Variants in UBA6 observed in about 807,000 individuals in gnomAD.
UBA6 encodes the protein ubiquitin-like modifier-activating enzyme 6.
UBA6 carries 87 observed loss-of-function variants against 148.3 expected under a neutral mutation model. The observed-to-expected ratio is 0.59, with a 90% CI of 0.49 to 0.70. The LOEUF (loss-of-function observed/expected upper bound fraction) is 0.70, where lower values mean the gene tolerates loss of function less well. UBA6 is among the 30% of genes least tolerant of loss of function. The probability of loss-of-function intolerance (pLI) is 0.00; values close to 1 mark genes in which losing one functional copy is unlikely to be tolerated. For missense variants in UBA6, 1,186 were observed against 1,241.2 expected (o/e 0.96, Z 0.67); for synonymous variants, 376 against 401.0 (o/e 0.94, Z 0.75).
rs1315903073 is a variant in UBA6 at position 67,612,999 on chromosome 4, CAA to C, written c.*5996_*5997del. ...AGATAGAGCTAAGGGGCTAAAGATTCAAAAAGAGTCCAGGGTCAGTGAAGAGG... is the reference window on the plus strand; with the variant it reads ...AGATAGAGCTAAGGGGCTAAAGATTCAAAGAGTCCAGGGTCAGTGAAGAGG... On this transcript the variant is annotated 3_prime_UTR_variant, in exon 33 of 33. Coordinates refer to ENST00000322244, the MANE Select transcript of UBA6 (RefSeq NM_018227.6). 1.3e-5 allele frequency: 2 copies of C among 152,168 alleles called. No homozygotes were observed. Among genetic ancestry groups the C allele is most frequent in the African/African-American group, 4.8e-5 (2 of 41,436 alleles). The allele number at this position is 152,168 out of a possible 1,614,324, so 9.4% of individuals were successfully genotyped here.
At chr4:67,673,418 GAAAA>G (rs566565882) in intron 7 of UBA6, among the ~76,000 whole-genome samples, 1 of 102,178 alleles carries the variant, frequency 9.8e-6, no homozygotes, top group African/African-American at 3.7e-5. Context: ...TCTGTCTCGG[GAAAA>G]AAAAAAAAAA....
intron 1 of UBA6, among the ~76,000 whole-genome samples, chr4:67,698,757 C>T (rs1452064774): frequency 1.3e-5 from 2 of 152,124 alleles, no homozygotes; most frequent in East Asian, 1.9e-4. Flanking sequence ...GTCAGGAGTT[C>T]GAGACCAGCC....
At chr4:67,659,934 CT>C (rs1267710272) in intron 13 of UBA6, among the ~76,000 whole-genome samples, 2 of 152,142 alleles carry the variant, frequency 1.3e-5, no homozygotes, top group African/African-American at 2.4e-5. Context: ...TCTTATTATG[CT>C]TTAGTAAAGA....
At chr4:67,683,892 G>A (rs1182921669) in intron 2 of UBA6, among the ~76,000 whole-genome samples, 2 of 152,084 alleles carry the variant, frequency 1.3e-5, no homozygotes, top group Non-Finnish European at 2.9e-5. Context: ...GGGCAACACA[G>A]CAAAACCCCA....
At chr4:67,652,806 C>T (rs889253567) in intron 13 of UBA6, among the ~76,000 whole-genome samples, 10 of 152,208 alleles carry the variant, frequency 6.6e-5, no homozygotes, top group East Asian at 5.8e-4. Context: ...CTTGGAAAAA[C>T]GGTACACTTC....
At chr4:67,641,082 C>T in intron 18 of UBA6, 69 bp downstream of exon 18, 1 of 941,526 alleles carries the variant, frequency 1.1e-6, no homozygotes. Flanking sequence ...TCACTATTTT[C>T]TATTTATTAA....
chr4:67,621,026 T>C (rs1728737853), intron 32 of UBA6, among the ~76,000 whole-genome samples: 1 of 152,212 alleles, frequency 6.6e-6, no homozygotes, highest in Non-Finnish European at 1.5e-5. Flanking sequence ...ATTATCATGC[T>C]GGAGGTTTCA....
intron 7 of UBA6, among the ~76,000 whole-genome samples, chr4:67,672,918 C>T (rs1488499316): frequency 6.6e-6 from 1 of 152,156 alleles, no homozygotes; most frequent in Non-Finnish European, 1.5e-5. Context: ...ATATCATTCT[C>T]TATTTTTCTT....
Position 67,634,856 on chromosome 4 carries a change from G to A in UBA6, c.1843-338C>T, listed in dbSNP as rs567564666. Among the ~76,000 whole-genome samples the A allele has an allele frequency of 1.1e-3, 168 of 152,066 alleles. 1 individual carries two copies. The South Asian group carries it at 0.017, about 16-fold the overall frequency. ...ATTTAAAGTTTTATAACACTGCCCCGCTTTGAAAAGTAATTCAGGAATACC... is the reference window on the plus strand; with the variant it reads ...ATTTAAAGTTTTATAACACTGCCCCACTTTGAAAAGTAATTCAGGAATACC... On this transcript the variant is annotated intron_variant, in intron 20 of 32. Transcript: ENST00000322244.
chr4:67,651,498 C>T (rs1414575190), intron 13 of UBA6, among the ~76,000 whole-genome samples: 1 of 152,068 alleles, frequency 6.6e-6, no homozygotes, highest in African/African-American at 2.4e-5. Context: ...TATGAAAATT[C>T]GGCTGCCATC....
rs180919444 is a variant in UBA6, at chr4:67,651,371, C to T, written c.1105-2160G>A. 2.1e-3 allele frequency among the ~76,000 whole-genome samples: 325 copies of T among 152,128 alleles called. 2 individuals carry two copies. The highest frequency in any genetic ancestry group is 7.3e-3 in the African/African-American group (303 of 41,508). ...CATATCAAAATGGGCTTATGGTGTA[C>T]GTAAGAAACTTTACTGAATAATCAA... On this transcript the variant is annotated intron_variant, in intron 13 of 32. Coordinates refer to ENST00000322244, the MANE Select transcript of UBA6 (RefSeq NM_018227.6).
intron 18 of UBA6, among the ~76,000 whole-genome samples, chr4:67,640,124 G>A (rs1021159042): frequency 6.6e-6 from 1 of 152,000 alleles, no homozygotes; most frequent in Non-Finnish European, 1.5e-5. Context: ...TAGTTTTAAC[G>A]GTATTTCTGT....
At chr4:67,649,373 C>T (rs1729498214) in intron 13 of UBA6, among the ~76,000 whole-genome samples, 162 bp from the exon 14 acceptor site, 1 of 152,100 alleles carries the variant, frequency 6.6e-6, no homozygotes, top group Admixed American at 6.6e-5. Flanking sequence ...GATAACAGAC[C>T]CATTTGCGTG....
chr4:67,692,542 T>C (rs1302373773), intron 2 of UBA6, among the ~76,000 whole-genome samples: 1 of 152,196 alleles, frequency 6.6e-6, no homozygotes, highest in Non-Finnish European at 1.5e-5. Context: ...CAAGCAGGCC[T>C]GGACAAGAAC....
intron 2 of UBA6, among the ~76,000 whole-genome samples, chr4:67,689,217 G>T (rs765398358): frequency 1.3e-5 from 2 of 152,070 alleles, no homozygotes; most frequent in Non-Finnish European, 2.9e-5. Flanking sequence ...TCTAAGATAC[G>T]CTAGGCTAAG....
chr4:67,626,507 T>C (rs760025401), intron 27 of UBA6, 30 bp from the exon 28 acceptor site: 3 of 1,355,672 alleles, frequency 2.2e-6, no homozygotes, highest in South Asian at 1.3e-5. Flanking sequence ...TTTTTATTAA[T>C]GTTATCATTT....
At chr4:67,692,175 G>T (rs1053775748) in intron 2 of UBA6, among the ~76,000 whole-genome samples, 5 of 151,978 alleles carry the variant, frequency 3.3e-5, no homozygotes, top group Admixed American at 6.6e-5. Flanking sequence ...TTAGAAAGAG[G>T]TTTGTCTTAA....
At chr4:67,647,202 T>C (rs1234823942) in intron 14 of UBA6, among the ~76,000 whole-genome samples, 1 of 152,184 alleles carries the variant, frequency 6.6e-6, no homozygotes, top group African/African-American at 2.4e-5. Context: ...ACAGAGTCTT[T>C]CTGTTGCCCA....
intron 13 of UBA6, among the ~76,000 whole-genome samples, chr4:67,655,995 T>C (rs1157938665): frequency 2.0e-5 from 3 of 152,098 alleles, no homozygotes; most frequent in Admixed American, 1.3e-4. Context: ...CCAGAAAAAG[T>C]TGAATCTCTG....
Sources: allele counts gnomAD v4.1 joint callset (sites outside exome capture counted in the v4.1 genomes callset), GRCh38; gene constraint gnomAD v4.1.1; transcripts MANE v1.5; gene names NCBI Gene and HGNC (gene_info 2026-07-23, HGNC 2026-07-21).